SERINC3: variants seen among roughly 807,000 people sequenced by gnomAD.
SERINC3 encodes serine incorporator 3, also known as tumor differentially expressed protein 1.
In SERINC3, 22 loss-of-function variants were observed where a neutral mutation model predicts 52.1. The ratio of observed to expected loss-of-function variants is 0.42; its 90% CI spans 0.30 to 0.60. The LOEUF (loss-of-function observed/expected upper bound fraction) is 0.60. Ranked by LOEUF, SERINC3 falls within the 20% of genes least tolerant of loss-of-function variation. The pLI, the probability that SERINC3 is intolerant of heterozygous loss-of-function variation, is 0.16. For synonymous variants in SERINC3, 226 were observed against 212.7 expected (o/e 1.06, Z -0.54); for missense variants, 564 against 584.6 (o/e 0.96, Z 0.36).
chr20:44,517,101 A>C (rs140374815), intron 1 of SERINC3, among the ~76,000 whole-genome samples: 1 of 152,280 alleles, frequency 6.6e-6, no homozygotes, highest in Non-Finnish European at 1.5e-5. Context: ...AAAAAAGTTC[A>C]GTTTTCTCAT....
intron 2 of SERINC3, 29 bp downstream of exon 2, chr20:44,513,850 A>T: frequency 1.3e-6 from 2 of 1,505,588 alleles, no homozygotes; most frequent in South Asian, 2.6e-5. Context: ...AAAAATAACC[A>T]ATACCTTAAG....
intron 1 of SERINC3, 59 bp downstream of exon 1, chr20:44,521,854 T>G (rs2064419217): frequency 6.5e-7 from 1 of 1,529,694 alleles, no homozygotes; most frequent in African/African-American, 1.4e-5. Context: ...GCAGCTCTGG[T>G]CTCGAGGCCT....
At chr20:44,510,155 A>T in intron 4 of SERINC3, 127 bp from the exon 5 acceptor site, 2 of 845,672 alleles carry the variant, frequency 2.4e-6, no homozygotes, top group Non-Finnish European at 3.7e-6. Flanking sequence ...CCAGCAGTAC[A>T]GCAAGATTCC....
rs914086125 is a variant in SERINC3 at position 44,506,738 on chromosome 20, T to A, written c.783+89A>T. 1.1e-5 allele frequency: 9 copies of A among 835,880 alleles called. No individual in the cohort carries two copies. The African/African-American group carries it at 1.6e-4, about 15-fold the overall frequency. 51.8% of individuals were successfully genotyped at this position (835,880 alleles called of 1,614,324 possible). On this transcript the variant is annotated intron_variant, in intron 6 of 9. Transcript: ENST00000342374. ...GGAAAAATGTTCAAGTGGATAAACT[T>A]AGACATAAATTCATAAGAAAGGGTA...
intron 8 of SERINC3, among the ~76,000 whole-genome samples, chr20:44,503,529 T>C (rs1215795013): frequency 6.6e-6 from 1 of 152,136 alleles, no homozygotes; most frequent in Admixed American, 6.5e-5. Context: ...GTGCCTGTAA[T>C]CTCAGCTACT....
intron 1 of SERINC3, 63 bp from the exon 2 acceptor site, chr20:44,514,103 G>A (rs764996928): frequency 3.3e-6 from 5 of 1,512,614 alleles, no homozygotes; most frequent in Non-Finnish European, 4.5e-6. Context: ...TGACACAGAT[G>A]TCGCAGAAGA....
intron 9 of SERINC3, 44 bp downstream of exon 9, chr20:44,501,029 C>T: frequency 7.0e-7 from 1 of 1,430,432 alleles, no homozygotes; most frequent in Non-Finnish European, 9.9e-7. Context: ...ATAGGCCATC[C>T]AAGGGTTTTA....
chr20:44,497,218 T>G (rs1284925996), downstream of SERINC3, among the ~76,000 whole-genome samples: 1 of 152,234 alleles, frequency 6.6e-6, no homozygotes, highest in South Asian at 2.1e-4. Flanking sequence ...AATACTCCCC[T>G]GCTTTAAATG....
rs2123059629 is a variant in SERINC3 at position 44,512,839 on chromosome 20, T to C, written c.357A>G (p.Val119=). ...CCGCTCGGAGATCTTTACTTGTTTT[T>C]ACTTTGAACATGAGCAGAGAAAAGA... ...FFVFSLLMFK[V]KTSKDLRAAV... The change falls in exon 3 of 10, where the codon GTA becomes GTG. Residue 119 remains valine (V), a synonymous_variant. Transcript: ENST00000342374. 6.3e-7 allele frequency: 1 copy of C among 1,576,002 alleles called. No individual in the cohort carries two copies. Among genetic ancestry groups the C allele is most frequent in the Non-Finnish European group, 8.6e-7 (1 of 1,168,224 alleles).
At chr20:44,521,042 G>A (rs117369004) in intron 1 of SERINC3, among the ~76,000 whole-genome samples, 2 of 152,314 alleles carry the variant, frequency 1.3e-5, no homozygotes, top group Non-Finnish European at 2.9e-5. Flanking sequence ...GGCATCCCCT[G>A]CAGAGCTGAC....
At chr20:44,516,462 G>C (rs1006736218) in intron 1 of SERINC3, among the ~76,000 whole-genome samples, 1 of 150,952 alleles carries the variant, frequency 6.6e-6, no homozygotes, top group Non-Finnish European at 1.5e-5. Context: ...ACGCCATCTC[G>C]GCTCACTGCA....
At chr20:44,516,400 T>C (rs546987953) in intron 1 of SERINC3, among the ~76,000 whole-genome samples, 79 of 152,086 alleles carry the variant, frequency 5.2e-4, no homozygotes, top group Admixed American at 2.2e-3. Flanking sequence ...TTCTTTTCTT[T>C]CTTTTTTTTT....
chr20:44,496,536 G>A (rs2064250298), downstream of SERINC3, among the ~76,000 whole-genome samples: 1 of 152,240 alleles, frequency 6.6e-6, no homozygotes, highest in Non-Finnish European at 1.5e-5. Flanking sequence ...GCTCCCGCCT[G>A]TAATCCCAAC....
rs140439942 is a variant in SERINC3, at chr20:44,506,915, T to C, written c.695A>G (p.Asp232Gly). Residue 232 changes from aspartate (D) to glycine (G), a missense_variant, in exon 6 of 10, where the codon GAT (aspartate) becomes GGT (glycine). Physicochemically the swap from Asp to Gly is moderately conservative, Grantham distance 94. Transcript: ENST00000342374. ...GLLYTYYTKP[D>G]GCTENKFFIS... Reference sequence around the variant, plus strand: ...GAAGAACTTGTTTTCTGTGCAGCCATCTGGTTTGGTGTAATATGTATAGAG... The same window carrying C: ...GAAGAACTTGTTTTCTGTGCAGCCACCTGGTTTGGTGTAATATGTATAGAG... 3.6e-5 allele frequency: 58 copies of C among 1,613,628 alleles called. 1 individual carries two copies. The African/African-American group carries it at 7.2e-4, about 20-fold the overall frequency.
In SERINC3 at chr20:44,500,014, C is replaced by A; in HGVS notation, c.*282G>T. 1 of 247,896 alleles carries A rather than the reference C, an allele frequency of 4.0e-6. No individual in the cohort carries two copies. The highest frequency in any genetic ancestry group is 7.6e-6 in the Non-Finnish European group (1 of 131,110). 15.4% of individuals were successfully genotyped at this position (247,896 alleles called of 1,614,324 possible). A position where few individuals can be genotyped will look rare whatever the true frequency, so the allele number is the denominator to read the frequency against. On this transcript the variant is annotated 3_prime_UTR_variant, in exon 10 of 10. Coordinates refer to ENST00000342374, the MANE Select transcript of SERINC3 (RefSeq NM_006811.4). ...AACCAAAGTTAAAAGAACCTACAGG[C>A]TTTATAAAGAACTCTCTTCACAGCA... is the stretch of plus-strand genomic sequence containing the variant.
At chr20:44,511,742 T>C (rs1339895918) in intron 3 of SERINC3, among the ~76,000 whole-genome samples, 2 of 152,178 alleles carry the variant, frequency 1.3e-5, no homozygotes, top group African/African-American at 4.8e-5. Flanking sequence ...ATCACAAATA[T>C]TTACAACACA....
chr20:44,518,318 CAAAAAAAAAA>C (rs3091899), intron 1 of SERINC3, among the ~76,000 whole-genome samples: 1 of 87,540 alleles, frequency 1.1e-5, no homozygotes, highest in African/African-American at 4.3e-5. Context: ...AAATTAGCCT[CAAAAAAAAAA>C]AAAAAAAAAA....
intron 5 of SERINC3, among the ~76,000 whole-genome samples, chr20:44,507,295 T>C (rs1437288300): frequency 6.6e-6 from 1 of 152,216 alleles, no homozygotes; most frequent in Non-Finnish European, 1.5e-5. Flanking sequence ...ACCTATATGT[T>C]AATTAATGTG....
At chr20:44,509,780 T>C in intron 5 of SERINC3, 111 bp downstream of exon 5, 2 of 1,169,782 alleles carry the variant, frequency 1.7e-6, no homozygotes, top group Non-Finnish European at 2.5e-6. Context: ...TTCTCCCACC[T>C]TGGACTTCTG....
Sources: allele counts gnomAD v4.1 joint callset (sites outside exome capture counted in the v4.1 genomes callset), GRCh38; gene constraint gnomAD v4.1.1; transcripts MANE v1.5; gene names NCBI Gene and HGNC (gene_info 2026-07-23, HGNC 2026-07-21).